The following ZNF131 variants were observed in gnomAD, a reference collection of about 807,000 sequenced individuals.
The protein encoded by ZNF131 is zinc finger and BTB domain containing 35, also known as zinc finger protein 131.
A neutral mutation model predicts 60.0 loss-of-function variants in ZNF131; 7 were observed. The observed-to-expected ratio is 0.12, with a 90% CI of 0.07 to 0.22. ZNF131 has a LOEUF of 0.22. ZNF131 is among the 10% of genes least tolerant of loss of function. The pLI, the probability that ZNF131 is intolerant of heterozygous loss-of-function variation, is 1.00. For synonymous variants in ZNF131, 257 were observed against 253.2 expected, an observed-to-expected ratio of 1.01 and a Z score of -0.14; for missense variants, 493 against 740.9, an observed-to-expected ratio of 0.67 and a Z score of 3.88.
At chr5:43,144,416 G>C (rs1033750557) in intron 4 of ZNF131, among the ~76,000 whole-genome samples, 1 of 151,732 alleles carries the variant, frequency 6.6e-6, no homozygotes, top group Non-Finnish European at 1.5e-5. Context: ...TTTTGGTAGA[G>C]TCGGAGTTTC....
In ZNF131 at chr5:43,137,587, A is replaced by AG. The variant is rs1746285560; in HGVS notation, c.227-1577dup. Among the ~76,000 whole-genome samples the AG allele has an allele frequency of 2.6e-5, 4 of 152,110 alleles. No homozygotes were observed. In the South Asian group the frequency reaches 8.3e-4, roughly 32 times the overall value. On this transcript the variant is annotated intron_variant, in intron 3 of 6. Coordinates refer to ENST00000682664, the MANE Select transcript of ZNF131 (RefSeq NM_001330707.2). ...TTCAGGATGGCTATCAAAAAAAAAA[A>AG]GACAACTAGTATTGGTGAGGATATA...
intron 4 of ZNF131, among the ~76,000 whole-genome samples, chr5:43,143,717 T>C (rs928014508): frequency 3.3e-5 from 5 of 151,998 alleles, no homozygotes; most frequent in Non-Finnish European, 5.9e-5. Context: ...GTTGGGGAGC[T>C]CTTTATAGGG....
intron 3 of ZNF131, among the ~76,000 whole-genome samples, chr5:43,133,234 G>C (rs549035060): frequency 7.7e-4 from 118 of 152,284 alleles, no homozygotes; most frequent in African/African-American, 2.8e-3. Context: ...GGGAGGCCGA[G>C]GTGGACGGAT....
At position 43,174,428 on chromosome 5, in the gene ZNF131, A is replaced by T. The variant is rs747014811; in HGVS notation, c.1186-19A>T. 1.3e-6 allele frequency: 2 copies of T among 1,511,898 alleles called. No homozygotes were observed. The highest frequency in any genetic ancestry group is 2.8e-5 in the African/African-American group (2 of 71,562). 93.7% of individuals were successfully genotyped at this position (1,511,898 alleles called of 1,614,324 possible). ...TTTGGATATAAGTATTGTCTACATC[A>T]TATTTTTGGTTATTTCAGGTCTGCA... is the stretch of plus-strand genomic sequence containing the variant. On this transcript the variant is annotated intron_variant, in intron 6 of 6. Transcript: ENST00000682664.
intron 3 of ZNF131, among the ~76,000 whole-genome samples, chr5:43,134,180 A>C (rs1183867482): frequency 2.6e-5 from 4 of 152,196 alleles, no homozygotes; most frequent in Non-Finnish European, 5.9e-5. Flanking sequence ...ATATTCCATG[A>C]CTAAGTGAGA....
In ZNF131 at chr5:43,174,955, A is replaced by G; in HGVS notation, c.1694A>G (p.Asp565Gly). ...VQTELLEADL[D>G]HVTPEIMNQE... The stretch of plus-strand genomic sequence containing the variant: ...ACTGAACTTCTAGAAGCAGATTTGG[A>G]CCACGTGACCCCAGAAATCATGAAC... Residue 565 changes from aspartate (D) to glycine (G), a missense_variant, in exon 7 of 7, where the codon GAC becomes GGC. Transcript: ENST00000682664. 2 of 1,614,096 alleles carry G rather than the reference A, an allele frequency of 1.2e-6. No homozygotes were observed. The highest frequency in any genetic ancestry group is 8.5e-7 in the Non-Finnish European group (1 of 1,180,036).
At chr5:43,171,199 C>T (rs1277429341) in intron 5 of ZNF131, among the ~76,000 whole-genome samples, 2 of 152,152 alleles carry the variant, frequency 1.3e-5, no homozygotes, top group South Asian at 2.1e-4. Flanking sequence ...CCACCCGCCT[C>T]GGTCTCCCAA....
chr5:43,146,796 C>G (rs1352954764), intron 4 of ZNF131, among the ~76,000 whole-genome samples: 2 of 151,840 alleles, frequency 1.3e-5, no homozygotes, highest in Non-Finnish European at 2.9e-5. Context: ...GTCCCAGCTA[C>G]TTGGGAGGCT....
rs756791883 is a variant in ZNF131, at chr5:43,122,070, C to A, written c.17C>A (p.Thr6Lys). ...CCGACGGCCATGGAGGCTGAAGAGA[C>A]GATGGAATGCCTTCAGGAGTTCCCT... is the stretch of plus-strand genomic sequence containing the variant. MEAEE[T>K]MECLQEFPEH... Residue 6 changes from threonine to lysine, a missense_variant, in exon 2 of 7, where the codon ACG becomes AAG. This residue lies in a region of ZNF131 where 66 missense variants were observed against 148.0 expected (regional missense o/e 0.45). Transcript: ENST00000682664. 2.5e-6 allele frequency: 4 copies of A among 1,613,930 alleles called. No individual in the cohort carries two copies.
chr5:43,133,819 A>G (rs1260309138), intron 3 of ZNF131, among the ~76,000 whole-genome samples: 1 of 152,238 alleles, frequency 6.6e-6, no homozygotes, highest in African/African-American at 2.4e-5. Flanking sequence ...CTAGGCATAA[A>G]TGGATTAAAT....
intron 5 of ZNF131, among the ~76,000 whole-genome samples, chr5:43,168,637 T>C (rs1439382697): frequency 6.6e-6 from 1 of 152,176 alleles, no homozygotes; most frequent in Non-Finnish European, 1.5e-5. Flanking sequence ...TGGGTCATTT[T>C]AAAGGAGTTT....
intron 4 of ZNF131, 103 bp from the exon 5 acceptor site, chr5:43,161,146 A>C (rs535402475): frequency 5.9e-5 from 63 of 1,063,694 alleles, no homozygotes; most frequent in Middle Eastern, 2.9e-4. Context: ...GTCTTGTTTT[A>C]TAACTGTTTA....
intron 5 of ZNF131, among the ~76,000 whole-genome samples, chr5:43,167,702 A>T (rs1750531773): frequency 6.6e-6 from 1 of 152,208 alleles, no homozygotes; most frequent in Admixed American, 6.5e-5. Context: ...AAACAGTGTC[A>T]GTGTCCCTGC....
chr5:43,121,640 T>C (rs1743828654), intron 1 of ZNF131: 1 of 151,090 alleles, frequency 6.6e-6, no homozygotes, highest in African/African-American at 2.5e-5. Context: ...CGAGAGTCGT[T>C]GTGGGTCGCG....
At chr5:43,131,057 G>T (rs896315361) in intron 3 of ZNF131, among the ~76,000 whole-genome samples, 1 of 151,660 alleles carries the variant, frequency 6.6e-6, no homozygotes, top group African/African-American at 2.4e-5. Context: ...TAGAGATGGG[G>T]TTTCGCCTTG....
chr5:43,152,596 C>T (rs1402157452), intron 4 of ZNF131, among the ~76,000 whole-genome samples: 1 of 152,036 alleles, frequency 6.6e-6, no homozygotes, highest in Non-Finnish European at 1.5e-5. Context: ...TTCTGAAAGA[C>T]AAAGGTGGTT....
At chr5:43,157,174 A>C (rs1259482896) in intron 4 of ZNF131, among the ~76,000 whole-genome samples, 1 of 152,174 alleles carries the variant, frequency 6.6e-6, no homozygotes, top group Non-Finnish European at 1.5e-5. Flanking sequence ...TGCAAAAAAA[A>C]CTTGGAAACC....
chr5:43,154,092 T>G (rs1177972083), intron 4 of ZNF131, among the ~76,000 whole-genome samples: 3 of 152,150 alleles, frequency 2.0e-5, no homozygotes, highest in Non-Finnish European at 4.4e-5. Context: ...CTGATGAAAC[T>G]GGAACAGCAA....
intron 5 of ZNF131, among the ~76,000 whole-genome samples, chr5:43,172,139 C>A (rs192104633): frequency 6.6e-6 from 1 of 152,376 alleles, no homozygotes; most frequent in East Asian, 1.9e-4. Flanking sequence ...GCCTTCTGAT[C>A]CAATTACATC....
Sources: allele counts gnomAD v4.1 joint callset (sites outside exome capture counted in the v4.1 genomes callset), GRCh38; gene constraint gnomAD v4.1.1; regional missense constraint gnomAD v4.1.1; transcripts MANE v1.5; gene names NCBI Gene and HGNC (gene_info 2026-07-23, HGNC 2026-07-21).